SENP7: variants seen among roughly 807,000 people sequenced by gnomAD.
SENP7 encodes SUMO specific peptidase 7.
In SENP7, 64 loss-of-function variants were observed where a neutral mutation model predicts 141.2. That is an observed-to-expected ratio of 0.45 (90% CI 0.37 to 0.56). The LOEUF is 0.56. Ranked by LOEUF, SENP7 falls within the 20% of genes least tolerant of loss-of-function variation. SENP7 has a pLI of 0.00. For missense variants in SENP7, 1,025 were observed against 1,212.2 expected (o/e 0.85, Z 2.29); for synonymous variants, 382 against 426.4 (o/e 0.90, Z 1.28).
At chr3:101,328,712 G>C in intron 20 of SENP7, 23 bp from the exon 21 acceptor site, 1 of 1,568,246 alleles carries the variant, frequency 6.4e-7, no homozygotes, top group Non-Finnish European at 8.8e-7. Flanking sequence ...AAATTTTTAT[G>C]ACTGCAATTA....
At chr3:101,448,996 G>C (rs1021115778) in intron 4 of SENP7, among the ~76,000 whole-genome samples, 3 of 152,088 alleles carry the variant, frequency 2.0e-5, no homozygotes, top group Non-Finnish European at 2.9e-5. Context: ...TAGACGAATG[G>C]CTAACTAGAA....
intron 3 of SENP7, among the ~76,000 whole-genome samples, chr3:101,470,239 A>T (rs1372842936): frequency 6.6e-6 from 1 of 152,196 alleles, no homozygotes; most frequent in Non-Finnish European, 1.5e-5. Flanking sequence ...AGCAGAACTG[A>T]AGGAGATAGA....
At chr3:101,354,779 G>T (rs1036609369) in intron 11 of SENP7, among the ~76,000 whole-genome samples, 55 of 152,208 alleles carry the variant, frequency 3.6e-4, no homozygotes, top group African/African-American at 1.3e-3. Context: ...GGGTTGAATG[G>T]TAATTCTGTT....
chr3:101,369,916 C>G (rs1310645848), intron 7 of SENP7, among the ~76,000 whole-genome samples: 1 of 152,088 alleles, frequency 6.6e-6, no homozygotes, highest in Non-Finnish European at 1.5e-5. Context: ...CAAAAGAATA[C>G]TAAGTATTTC....
intron 19 of SENP7, 89 bp from the exon 20 acceptor site, chr3:101,330,475 C>A: frequency 1.3e-6 from 1 of 773,366 alleles, no homozygotes; most frequent in Non-Finnish European, 2.1e-6. Context: ...AATTTTTATG[C>A]AGTTACTGGA....
chr3:101,479,892 CAAAAAAAAAAAAAAAA>C (rs1168285268), intron 3 of SENP7, among the ~76,000 whole-genome samples: 1 of 7,338 alleles, frequency 1.4e-4, no homozygotes, highest in Non-Finnish European at 2.3e-4. Flanking sequence ...ACAACAGCTA[CAAAAAAAAAAAAAAAA>C]AAAAAAAAAA....
chr3:101,429,765 G>A (rs1052769243), intron 4 of SENP7, among the ~76,000 whole-genome samples: 1 of 152,082 alleles, frequency 6.6e-6, no homozygotes, highest in Non-Finnish European at 1.5e-5. Context: ...CTTGTCTTGC[G>A]CCAGTTGTCA....
chr3:101,507,576 T>C (rs2065672113), intron 1 of SENP7, among the ~76,000 whole-genome samples: 1 of 152,190 alleles, frequency 6.6e-6, no homozygotes. Flanking sequence ...ATCCTAGCTT[T>C]TTATTAGATA....
chr3:101,406,344 A>G (rs997929639), intron 5 of SENP7, among the ~76,000 whole-genome samples: 1 of 152,082 alleles, frequency 6.6e-6, no homozygotes, highest in African/African-American at 2.4e-5. Flanking sequence ...CAAAAAACCA[A>G]ACACCGCATG....
chr3:101,494,897 T>C (rs1354601366), intron 2 of SENP7, among the ~76,000 whole-genome samples: 1 of 152,060 alleles, frequency 6.6e-6, no homozygotes, highest in African/African-American at 2.4e-5. Flanking sequence ...AAATATCTCA[T>C]AACAAAAATG....
chr3:101,405,819 GAAGA>G (rs2107607575), intron 5 of SENP7, among the ~76,000 whole-genome samples: 1 of 152,224 alleles, frequency 6.6e-6, no homozygotes, highest in Non-Finnish European at 1.5e-5. Context: ...TGAACAAGTG[GAAGA>G]AAGAAATTCA....
At chr3:101,412,097 A>G (rs555396498) in intron 5 of SENP7, among the ~76,000 whole-genome samples, 1 of 152,290 alleles carries the variant, frequency 6.6e-6, no homozygotes, top group South Asian at 2.1e-4. Context: ...AGAAAGAGCT[A>G]TTAACATACA....
At chr3:101,492,402 G>A (rs974115894) in intron 3 of SENP7, among the ~76,000 whole-genome samples, 12 of 151,924 alleles carry the variant, frequency 7.9e-5, no homozygotes, top group Non-Finnish European at 1.2e-4. Context: ...ATAAATAAGG[G>A]TTAATTTTAC....
At chr3:101,451,721 T>C (rs2063143138) in intron 4 of SENP7, among the ~76,000 whole-genome samples, 6 of 152,138 alleles carry the variant, frequency 3.9e-5, no homozygotes, top group Admixed American at 3.9e-4. Context: ...CTCAAAATAA[T>C]AAGAGCTATC....
chr3:101,328,472 A>G lies in SENP7; in HGVS notation c.2864+6T>C. ...AGACTGGAATGGTAAAATTGTCATT[A>G]CTTACTCTCGTAAATTCTGAACTGT... On this transcript the variant is annotated splice_donor_region_variant and intron_variant, in intron 22 of 23. Coordinates refer to ENST00000394095, the MANE Select transcript of SENP7 (RefSeq NM_020654.5). 6.2e-7 allele frequency: 1 copy of G among 1,607,578 alleles called. No homozygotes were observed. The highest frequency in any genetic ancestry group is 8.5e-7 in the Non-Finnish European group (1 of 1,174,794).
At chr3:101,467,998 T>C (rs1263333754) in intron 3 of SENP7, among the ~76,000 whole-genome samples, 1 of 151,982 alleles carries the variant, frequency 6.6e-6, no homozygotes, top group African/African-American at 2.4e-5. Flanking sequence ...ATAAAGAGTG[T>C]AGAGAAGATT....
chr3:101,479,606 CAA>C (rs200742227), intron 3 of SENP7, among the ~76,000 whole-genome samples: 8 of 122,912 alleles, frequency 6.5e-5, no homozygotes, highest in Admixed American at 4.8e-4. Flanking sequence ...GAAACTGTGT[CAA>C]AAAAAAAAAA....
chr3:101,467,564 T>C (rs1293011872), intron 3 of SENP7, among the ~76,000 whole-genome samples: 1 of 152,168 alleles, frequency 6.6e-6, no homozygotes, highest in African/African-American at 2.4e-5. Context: ...CCAGGCAAAC[T>C]GGGCCTGGAG....
At chr3:101,380,105 T>C (rs1466556623) in intron 6 of SENP7, among the ~76,000 whole-genome samples, 1 of 152,160 alleles carries the variant, frequency 6.6e-6, no homozygotes, top group Non-Finnish European at 1.5e-5. Flanking sequence ...TTATTTAAGG[T>C]ACTTAGGGTC....
Sources: gnomAD v4.1 joint callset for allele counts (sites outside exome capture counted in the v4.1 genomes callset) on GRCh38, gnomAD v4.1.1 for gene constraint, MANE v1.5 for transcripts, NCBI Gene and HGNC (gene_info 2026-07-23, HGNC 2026-07-21) for gene names.